The following RSPO2 variants were observed in gnomAD, a reference collection of about 807,000 sequenced individuals.
RSPO2 encodes R-spondin 2.
A neutral mutation model predicts 30.9 loss-of-function variants in RSPO2; 14 were observed. The observed-to-expected ratio is 0.45, with a 90% CI of 0.30 to 0.71. The LOEUF (loss-of-function observed/expected upper bound fraction) is 0.71. Among genes scored for constraint, RSPO2 ranks in the 30% least tolerant of loss-of-function variants. RSPO2 has a pLI of 0.08. For synonymous variants in RSPO2, 107 were observed against 96.4 expected, an observed-to-expected ratio of 1.11 and a Z score of -0.64; for missense variants, 264 against 301.9, an observed-to-expected ratio of 0.87 and a Z score of 0.93.
chr8:107,955,536 A>C (rs1045026198), intron 5 of RSPO2, among the ~76,000 whole-genome samples: 2 of 152,224 alleles, frequency 1.3e-5, no homozygotes, highest in Non-Finnish European at 2.9e-5. Context: ...AATTTGATCT[A>C]CTAAAGATAT....
intron 2 of RSPO2, among the ~76,000 whole-genome samples, chr8:108,020,017 A>C (rs1811010114): frequency 6.6e-6 from 1 of 151,838 alleles, no homozygotes; most frequent in Non-Finnish European, 1.5e-5. Context: ...CATTTGTTGC[A>C]GAGCACCCTA....
At chr8:108,076,855 G>A (rs1226348087) in intron 2 of RSPO2, among the ~76,000 whole-genome samples, 2 of 152,146 alleles carry the variant, frequency 1.3e-5, no homozygotes, top group African/African-American at 4.8e-5. Context: ...ATTCCCCAAG[G>A]AAATGAATAA....
At chr8:108,082,935 A>G (rs1003296097) in intron 1 of RSPO2, 128 bp from the exon 2 acceptor site, 1 of 371,258 alleles carries the variant, frequency 2.7e-6, no homozygotes, top group Non-Finnish European at 4.8e-6. Context: ...GCCTAGCACG[A>G]GCCGCGGAGC....
intron 2 of RSPO2, among the ~76,000 whole-genome samples, chr8:108,031,332 C>T (rs1467433964): frequency 6.6e-6 from 1 of 152,202 alleles, no homozygotes; most frequent in Non-Finnish European, 1.5e-5. Flanking sequence ...AGAGTAAACA[C>T]ATGGAGTCCA....
At chr8:108,034,931 G>C (rs1189578822) in intron 2 of RSPO2, among the ~76,000 whole-genome samples, 2 of 152,150 alleles carry the variant, frequency 1.3e-5, no homozygotes, top group African/African-American at 4.8e-5. Flanking sequence ...ATTACCAACT[G>C]TTTTCCCTAA....
At chr8:107,949,826 A>G (rs569593466) in intron 5 of RSPO2, among the ~76,000 whole-genome samples, 1 of 152,308 alleles carries the variant, frequency 6.6e-6, no homozygotes, top group African/African-American at 2.4e-5. Flanking sequence ...CCATTATGCA[A>G]TACACCAACC....
At chr8:107,961,510 C>T (rs1289027784) in intron 3 of RSPO2, among the ~76,000 whole-genome samples, 2 of 152,128 alleles carry the variant, frequency 1.3e-5, no homozygotes, top group South Asian at 2.1e-4. Flanking sequence ...CCACCAAAAC[C>T]ATCTGCCTTT....
chr8:107,950,668 A>T (rs1004250573), intron 5 of RSPO2, among the ~76,000 whole-genome samples: 3 of 152,108 alleles, frequency 2.0e-5, no homozygotes, highest in South Asian at 2.1e-4. Flanking sequence ...ATTAACACAA[A>T]GTAACATTAG....
intron 5 of RSPO2, among the ~76,000 whole-genome samples, chr8:107,927,171 G>A (rs1812405156): frequency 6.6e-6 from 1 of 152,126 alleles, no homozygotes; most frequent in Non-Finnish European, 1.5e-5. Context: ...GTGAATGGGA[G>A]TTCACTCATG....
intron 3 of RSPO2, 90 bp from the exon 4 acceptor site, chr8:107,960,907 G>T (rs1813606914): frequency 2.1e-6 from 2 of 954,998 alleles, no homozygotes; most frequent in Non-Finnish European, 3.1e-6. Flanking sequence ...TCACAAGTTA[G>T]CCCATTTGAA....
At chr8:107,947,923 G>T (rs556656766) in intron 5 of RSPO2, among the ~76,000 whole-genome samples, 1 of 152,228 alleles carries the variant, frequency 6.6e-6, no homozygotes, top group East Asian at 1.9e-4. Flanking sequence ...TTGGGTGCAT[G>T]AGGCACATTC....
intron 2 of RSPO2, among the ~76,000 whole-genome samples, chr8:107,995,952 T>C (rs1260741598): frequency 6.6e-6 from 1 of 152,214 alleles, no homozygotes; most frequent in Non-Finnish European, 1.5e-5. Flanking sequence ...CATTTTTGCA[T>C]AGCTGACCAA....
intron 2 of RSPO2, among the ~76,000 whole-genome samples, chr8:108,027,786 T>C (rs1811272383): frequency 6.6e-6 from 1 of 152,196 alleles, no homozygotes; most frequent in African/African-American, 2.4e-5. Context: ...CCTAATATGT[T>C]CTCCACTGGT....
chr8:107,986,752 C>T (rs1814652414), intron 3 of RSPO2, among the ~76,000 whole-genome samples: 2 of 152,176 alleles, frequency 1.3e-5, no homozygotes, highest in Admixed American at 1.3e-4. Flanking sequence ...CATCTACACT[C>T]TTGCCTTGTC....
intron 3 of RSPO2, chr8:107,983,742 C>A (rs1215668120): frequency 6.3e-7 from 1 of 1,594,034 alleles, no homozygotes; most frequent in Non-Finnish European, 8.6e-7. Context: ...TCTAAAAGGT[C>A]CAATAGAAAA....
intron 5 of RSPO2, among the ~76,000 whole-genome samples, chr8:107,918,200 A>G (rs1005344504): frequency 6.6e-6 from 1 of 152,204 alleles, no homozygotes; most frequent in Non-Finnish European, 1.5e-5. Flanking sequence ...AGCTATGTAC[A>G]GCATTTTTAA....
intron 5 of RSPO2, among the ~76,000 whole-genome samples, chr8:107,931,605 A>G (rs1812554816): frequency 6.6e-6 from 1 of 152,212 alleles, no homozygotes; most frequent in Non-Finnish European, 1.5e-5. Context: ...AACAAGTAAC[A>G]TGAAACAACC....
rs1811403447 is a variant in RSPO2, at chr8:107,900,275, T to A, written c.*800A>T. 6.6e-6 allele frequency: 1 copy of A among 152,142 alleles called. No individual in the cohort carries two copies. The highest frequency in any genetic ancestry group is 2.4e-5 in the African/African-American group (1 of 41,418). 9.4% of individuals were successfully genotyped at this position (152,142 alleles called of 1,614,324 possible). On this transcript the variant is annotated 3_prime_UTR_variant, in exon 6 of 6. Transcript: ENST00000276659. ...ATGCAAACTCTTTGACACTGGTCATTTGACTCTATATACAAAAACTAGTTT... is the reference window on the plus strand; with the variant it reads ...ATGCAAACTCTTTGACACTGGTCATATGACTCTATATACAAAAACTAGTTT...
rs193065218 is a variant in RSPO2 at position 108,060,555 on chromosome 8, C to T, written c.94+21990G>A. On this transcript the variant is annotated intron_variant, in intron 2 of 5. Coordinates refer to ENST00000276659, the MANE Select transcript of RSPO2 (RefSeq NM_178565.5). ...TATGTGAAAAGACCAAATCTACGTCCGATTGGTGTACCTGAAAGTGATGGG... is the reference window on the plus strand; with the variant it reads ...TATGTGAAAAGACCAAATCTACGTCTGATTGGTGTACCTGAAAGTGATGGG... 3.2e-3 allele frequency among the ~76,000 whole-genome samples: 489 copies of T among 151,726 alleles called. 11 individuals carry two copies. Among genetic ancestry groups the T allele is most frequent in the African/African-American group, 0.01 (413 of 41,152 alleles).
Sources: gnomAD v4.1 joint callset for allele counts (sites outside exome capture counted in the v4.1 genomes callset) on GRCh38, gnomAD v4.1.1 for gene constraint, MANE v1.5 for transcripts, NCBI Gene and HGNC (gene_info 2026-07-23, HGNC 2026-07-21) for gene names.